ACTR3B: variants seen among roughly 807,000 people sequenced by gnomAD.
ACTR3B encodes actin-related protein 3B.
Under a neutral mutation model 59.0 loss-of-function variants are expected in ACTR3B, and 8 were observed. The ratio of observed to expected loss-of-function variants is 0.14; its 90% confidence interval spans 0.08 to 0.24. The LOEUF is 0.24. ACTR3B is among the 10% of genes least tolerant of loss of function. The probability of loss-of-function intolerance (pLI) is 1.00; values close to 1 mark genes in which losing one functional copy is unlikely to be tolerated. For synonymous variants in ACTR3B, 148 were observed against 197.9 expected, an observed-to-expected ratio of 0.75 and a Z score of 2.12; for missense variants, 245 against 552.3, an observed-to-expected ratio of 0.44 and a Z score of 5.58.
chr7:152,847,494 C>T (rs1295556879), intron 9 of ACTR3B, among the ~76,000 whole-genome samples: 1 of 152,200 alleles, frequency 6.6e-6, no homozygotes, highest in Non-Finnish European at 1.5e-5. Flanking sequence ...GGCTTCAGCT[C>T]TCCTATTTGT....
intron 1 of ACTR3B, among the ~76,000 whole-genome samples, chr7:152,761,113 G>A (rs2098088082): frequency 6.6e-6 from 1 of 152,126 alleles, no homozygotes; most frequent in African/African-American, 2.4e-5. Flanking sequence ...TTGTGGACTG[G>A]AAAAATCCTC....
intron 1 of ACTR3B, among the ~76,000 whole-genome samples, chr7:152,781,892 C>G (rs2098155280): frequency 6.6e-6 from 1 of 151,934 alleles, no homozygotes; most frequent in African/African-American, 2.4e-5. Flanking sequence ...CTGGAGAGGG[C>G]TTCACCTGGG....
chr7:152,822,865 C>T (rs930608773), intron 7 of ACTR3B, among the ~76,000 whole-genome samples: 3 of 152,186 alleles, frequency 2.0e-5, no homozygotes, highest in African/African-American at 4.8e-5. Context: ...CGGCTTGTGG[C>T]GTGCTGGGAC....
Position 152,814,543 on chromosome 7 carries a change from C to T in ACTR3B, c.337-7C>T. 3.8e-6 allele frequency: 6 copies of T among 1,590,794 alleles called. No homozygotes were observed. The highest frequency in any genetic ancestry group is 1.7e-5 in the Admixed American group (1 of 58,914). On this transcript the variant is annotated splice_polypyrimidine_tract_variant and splice_region_variant and intron_variant, in intron 4 of 11. Coordinates refer to ENST00000256001, the MANE Select transcript of ACTR3B (RefSeq NM_020445.6). ...AAACACTAAATATAGTGAATGTTTTCTTACAGACAGAACCTCCACTCAATA... is the reference window on the plus strand; with the variant it reads ...AAACACTAAATATAGTGAATGTTTTTTTACAGACAGAACCTCCACTCAATA...
chr7:152,809,093 G>GT, intron 4 of ACTR3B, among the ~76,000 whole-genome samples: 1 of 151,696 alleles, frequency 6.6e-6, no homozygotes, highest in South Asian at 2.1e-4. Context: ...CTCAGCCCGA[G>GT]TAGGCGCATT....
intron 1 of ACTR3B, among the ~76,000 whole-genome samples, chr7:152,761,053 A>G (rs1284286320): frequency 6.6e-6 from 1 of 152,140 alleles, no homozygotes; most frequent in Non-Finnish European, 1.5e-5. Context: ...GCTACAGTCC[A>G]TCTCCTACTG....
intron 2 of ACTR3B, among the ~76,000 whole-genome samples, chr7:152,799,123 G>T (rs1480571989): frequency 2.0e-5 from 3 of 152,136 alleles, no homozygotes; most frequent in African/African-American, 7.2e-5. Flanking sequence ...ATTTTATCTA[G>T]CATTTACATT....
intron 9 of ACTR3B, among the ~76,000 whole-genome samples, chr7:152,833,053 A>C (rs554106817): frequency 3.9e-5 from 6 of 152,194 alleles, no homozygotes; most frequent in Admixed American, 3.3e-4. Context: ...GGCCCTGTTA[A>C]GTGGCACTGA....
chr7:152,798,436 T>A (rs1025985645), intron 2 of ACTR3B, among the ~76,000 whole-genome samples: 5 of 152,214 alleles, frequency 3.3e-5, no homozygotes, highest in African/African-American at 1.2e-4. Flanking sequence ...TATTAATCTT[T>A]TGTCAGGTAG....
intron 4 of ACTR3B, among the ~76,000 whole-genome samples, chr7:152,809,956 A>G (rs530529715): frequency 2.6e-5 from 4 of 152,258 alleles, no homozygotes; most frequent in East Asian, 1.9e-4. Flanking sequence ...CCCTAATACT[A>G]TTTGTACCCT....
chr7:152,844,786 A>C (rs1372592569), intron 9 of ACTR3B, among the ~76,000 whole-genome samples: 1 of 144,994 alleles, frequency 6.9e-6, no homozygotes, highest in Non-Finnish European at 1.5e-5. Flanking sequence ...TGTATGTCTT[A>C]AGGAGGTGGA....
chr7:152,761,118 A>G (rs1365740846), intron 1 of ACTR3B, among the ~76,000 whole-genome samples: 1 of 152,026 alleles, frequency 6.6e-6, no homozygotes, highest in Non-Finnish European at 1.5e-5. Context: ...GACTGGAAAA[A>G]TCCTCTTTGC....
chr7:152,848,613 C>G (rs377024901), intron 9 of ACTR3B, among the ~76,000 whole-genome samples: 1 of 152,204 alleles, frequency 6.6e-6, no homozygotes, highest in Non-Finnish European at 1.5e-5. Context: ...AGAATATCAT[C>G]GGCCAGCGTG....
chr7:152,775,077 G>C (rs2098133105), intron 1 of ACTR3B, among the ~76,000 whole-genome samples: 1 of 151,090 alleles, frequency 6.6e-6, no homozygotes, highest in Non-Finnish European at 1.5e-5. Context: ...CTATAGTCTT[G>C]GCCACTCAGG....
intron 1 of ACTR3B, among the ~76,000 whole-genome samples, chr7:152,780,187 CT>C (rs2098147372): frequency 6.6e-6 from 1 of 151,964 alleles, no homozygotes; most frequent in South Asian, 2.1e-4. Flanking sequence ...CCCATCTCTA[CT>C]ACAAATACAA....
At chr7:152,785,468 G>A (rs1170526343) in intron 2 of ACTR3B, among the ~76,000 whole-genome samples, 1 of 2,780 alleles carries the variant, frequency 3.6e-4, no homozygotes. Context: ...GGAGGGGGAG[G>A]GGGAGGGAGA....
chr7:152,782,166 T>A (rs951966247), intron 1 of ACTR3B, among the ~76,000 whole-genome samples: 98 of 151,834 alleles, frequency 6.5e-4, no homozygotes, highest in African/African-American at 2.3e-3. Flanking sequence ...GGATCAAAAA[T>A]TTAATATTAA....
At chr7:152,823,004 T>C (rs796533727) in intron 7 of ACTR3B, among the ~76,000 whole-genome samples, 2,780 of 126,336 alleles carry the variant, frequency 0.022, no homozygotes, top group South Asian at 0.078. Context: ...GAGCAGGCCA[T>C]AGGAGGCATC....
chr7:152,801,159 A>G (rs2098235252), intron 3 of ACTR3B, among the ~76,000 whole-genome samples: 1 of 152,270 alleles, frequency 6.6e-6, no homozygotes, highest in African/African-American at 2.4e-5. Flanking sequence ...GGCTCACTGC[A>G]GCCTCGACCT....
Sources: gnomAD v4.1 joint callset for allele counts (sites outside exome capture counted in the v4.1 genomes callset) on GRCh38, gnomAD v4.1.1 for gene constraint, MANE v1.5 for transcripts, NCBI Gene and HGNC (gene_info 2026-07-23, HGNC 2026-07-21) for gene names.